ATP10B: variants seen among roughly 807,000 people sequenced by gnomAD.
ATP10B encodes the protein ATPase phospholipid transporting 10B (putative).
A neutral mutation model predicts 141.2 loss-of-function variants in ATP10B; 122 were observed. That is an observed-to-expected ratio of 0.86 (90% CI 0.75 to 1.00). ATP10B has a LOEUF of 1.00. Ranked by LOEUF, ATP10B falls within the 50% of genes least tolerant of loss-of-function variation. ATP10B has a pLI of 0.00. For synonymous variants in ATP10B, 685 were observed against 692.0 expected (o/e 0.99, Z 0.16); for missense variants, 1,876 against 1,825.3 (o/e 1.03, Z -0.51).
intron 24 of ATP10B, among the ~76,000 whole-genome samples, chr5:160,576,032 C>G (rs376628566): frequency 6.6e-6 from 1 of 152,162 alleles, no homozygotes. Flanking sequence ...GCAACCACAG[C>G]GGAAAGACTG....
At position 160,662,974 on chromosome 5, in the gene ATP10B, C is replaced by T. The variant is rs546241077; in HGVS notation, c.675+7489G>A. Among the ~76,000 whole-genome samples, 5 of 152,234 alleles carry T rather than the reference C, an allele frequency of 3.3e-5. No individual in the cohort carries two copies. In the South Asian group the frequency reaches 6.2e-4, roughly 19 times the overall value. On this transcript the variant is annotated intron_variant, in intron 7 of 25. Transcript: ENST00000327245. ...AGAAACAACCCCATCAACAAGTGAG[C>T]GAAGGATATGAACAGACACTTCTCA... is the stretch of plus-strand genomic sequence containing the variant.
chr5:160,923,816 T>A, the ATP10B span, among the ~76,000 whole-genome samples: 2 of 152,204 alleles, frequency 1.3e-5, no homozygotes, highest in Non-Finnish European at 2.9e-5. Flanking sequence ...GCACTGAAAC[T>A]ATACTTTAAG....
chr5:160,889,955 G>C, the ATP10B span, among the ~76,000 whole-genome samples: 38 of 152,146 alleles, frequency 2.5e-4, no homozygotes, highest in Non-Finnish European at 7.4e-5. Flanking sequence ...ATAGAATCTT[G>C]ATCCCTCTCC....
At chr5:160,901,204 T>A in the ATP10B span, among the ~76,000 whole-genome samples, 1 of 152,164 alleles carries the variant, frequency 6.6e-6, no homozygotes, top group Admixed American at 6.6e-5. Flanking sequence ...GATTTCTGCA[T>A]CTCCTCCACC....
rs75540028 is a variant in ATP10B, at chr5:160,787,599, A to T, written c.-575-1796T>A. ...TCCAAGTCCTCTGTAGAAAATAGGAATTATTTATTTAAATCAGAAAAATAA... is the reference window on the plus strand; with the variant it reads ...TCCAAGTCCTCTGTAGAAAATAGGATTTATTTATTTAAATCAGAAAAATAA... On this transcript the variant is annotated intron_variant, in intron 1 of 25. Coordinates refer to ENST00000327245, the MANE Select transcript of ATP10B (RefSeq NM_025153.3). Among the ~76,000 whole-genome samples the T allele has an allele frequency of 7.0e-4, 107 of 151,970 alleles. No individual in the cohort carries two copies. The Middle Eastern group carries it at 0.017, about 24-fold the overall frequency.
chr5:160,580,693 C>G (rs1353031333), intron 24 of ATP10B, among the ~76,000 whole-genome samples: 1 of 152,060 alleles, frequency 6.6e-6, no homozygotes, highest in Non-Finnish European at 1.5e-5. Context: ...AGGGAGGAGT[C>G]CCTCTTTTTT....
the ATP10B span, among the ~76,000 whole-genome samples, chr5:160,866,867 C>T: frequency 6.7e-6 from 1 of 150,126 alleles, no homozygotes; most frequent in Admixed American, 6.6e-5. Context: ...CCCACCTGTA[C>T]CCCCCAAACT....
chr5:160,748,794 C>A (rs1300136342), intron 2 of ATP10B, among the ~76,000 whole-genome samples: 2 of 152,118 alleles, frequency 1.3e-5, no homozygotes, highest in Non-Finnish European at 2.9e-5. Context: ...GTAATTCATG[C>A]AAGTTTGAGG....
chr5:160,583,084 T>C (rs553160436), intron 24 of ATP10B, among the ~76,000 whole-genome samples: 49 of 152,292 alleles, frequency 3.2e-4, no homozygotes, highest in African/African-American at 1.2e-3. Flanking sequence ...CTTCTGTCAA[T>C]TCATCAAACT....
chr5:160,880,836 A>G, the ATP10B span, among the ~76,000 whole-genome samples: 2 of 152,208 alleles, frequency 1.3e-5, no homozygotes, highest in Non-Finnish European at 2.9e-5. Flanking sequence ...AACTATAAAA[A>G]TCCTAGAAAA....
chr5:160,755,832 A>T (rs1373801942), intron 2 of ATP10B, among the ~76,000 whole-genome samples: 1,385 of 66,354 alleles, frequency 0.021, 4 homozygotes, highest in Admixed American at 0.036. Context: ...AAAAAAAAAA[A>T]AAAAAAATAT....
the ATP10B span, among the ~76,000 whole-genome samples, chr5:160,881,121 C>T: frequency 1.8e-3 from 272 of 152,132 alleles, no homozygotes; most frequent in Non-Finnish European, 3.4e-3. Flanking sequence ...AACAAATGGA[C>T]AAAAGATCTT....
the ATP10B span, among the ~76,000 whole-genome samples, chr5:160,893,772 A>G: frequency 1.3e-5 from 2 of 152,178 alleles, no homozygotes; most frequent in African/African-American, 2.4e-5. Context: ...GCAGGGGTCG[A>G]CAGACACCTC....
intron 2 of ATP10B, among the ~76,000 whole-genome samples, chr5:160,722,882 G>A (rs1311724259): frequency 6.6e-6 from 1 of 152,194 alleles, no homozygotes; most frequent in African/African-American, 2.4e-5. Context: ...AGGCAGGGCA[G>A]CAGCTCTGCT....
chr5:160,778,699 T>C (rs1770513238), intron 2 of ATP10B, among the ~76,000 whole-genome samples: 1 of 152,206 alleles, frequency 6.6e-6, no homozygotes, highest in South Asian at 2.1e-4. Context: ...ACAGATATGT[T>C]ATAAATACAT....
chr5:160,652,920 TAA>T (rs1760944777), intron 7 of ATP10B, among the ~76,000 whole-genome samples: 1 of 85,158 alleles, frequency 1.2e-5, no homozygotes, highest in Admixed American at 1.8e-4. Context: ...CATGTATATA[TAA>T]TATATTATAT....
the ATP10B span, among the ~76,000 whole-genome samples, chr5:160,914,293 T>C: frequency 1.1e-4 from 16 of 152,288 alleles, no homozygotes; most frequent in African/African-American, 2.9e-4. Flanking sequence ...AAAGAAAGTG[T>C]GTAAGTCTAA....
At chr5:160,709,961 T>G (rs1317016192) in intron 3 of ATP10B, among the ~76,000 whole-genome samples, 187 of 97,062 alleles carry the variant, frequency 1.9e-3, no homozygotes, top group African/African-American at 7.2e-3. Flanking sequence ...TATGGCTGCA[T>G]AGTATTCCAT....
intron 1 of ATP10B, among the ~76,000 whole-genome samples, chr5:160,814,131 G>A (rs1017307494): frequency 2.0e-5 from 3 of 152,212 alleles, no homozygotes; most frequent in African/African-American, 7.2e-5. Context: ...AAGCTGGAAG[G>A]AGAATGACTT....
Sources: allele counts gnomAD v4.1 joint callset (sites outside exome capture counted in the v4.1 genomes callset), GRCh38; gene constraint gnomAD v4.1.1; transcripts MANE v1.5; gene names NCBI Gene and HGNC (gene_info 2026-07-23, HGNC 2026-07-21).